The following SORCS2 variants were observed in gnomAD, a reference collection of about 807,000 sequenced individuals.
The protein encoded by SORCS2 is VPS10 domain-containing receptor SorCS2.
SORCS2 carries 100 observed loss-of-function variants against 141.6 expected under a neutral mutation model. The ratio of observed to expected loss-of-function variants is 0.71; its 90% confidence interval spans 0.60 to 0.83. SORCS2 has a LOEUF of 0.83. SORCS2 is among the 40% of genes least tolerant of loss of function. The probability of loss-of-function intolerance (pLI) is 0.00; values close to 1 mark genes in which losing one functional copy is unlikely to be tolerated. For synonymous variants in SORCS2, 789 were observed against 676.9 expected, an observed-to-expected ratio of 1.17 and a Z score of -2.57; for missense variants, 1,646 against 1,560.2, an observed-to-expected ratio of 1.05 and a Z score of -0.93.
intron 1 of SORCS2, among the ~76,000 whole-genome samples, chr4:7,194,314 G>A (rs1467097878): frequency 6.6e-6 from 1 of 152,180 alleles, no homozygotes; most frequent in East Asian, 1.9e-4. Flanking sequence ...CCAGGAAAGG[G>A]CATAATCTGG....
intron 3 of SORCS2, among the ~76,000 whole-genome samples, chr4:7,576,512 CT>C (rs1715761939): frequency 6.6e-6 from 1 of 152,212 alleles, no homozygotes. Context: ...GGATTCACCC[CT>C]GTGTGCATCT....
intron 3 of SORCS2, among the ~76,000 whole-genome samples, chr4:7,593,064 G>C (rs1411556744): frequency 2.0e-5 from 3 of 152,132 alleles, no homozygotes; most frequent in Non-Finnish European, 2.9e-5. Flanking sequence ...GAAGGCTTTT[G>C]CTTGGGGTCT....
At position 7,327,929 on chromosome 4, in the gene SORCS2, G is replaced by A. The variant is rs764007759; in HGVS notation, c.481-68359G>A. Among the ~76,000 whole-genome samples the A allele has an allele frequency of 4.0e-5, 6 of 151,846 alleles. No individual in the cohort carries two copies. In the East Asian group the frequency reaches 5.8e-4, roughly 15 times the overall value. On this transcript the variant is annotated intron_variant, in intron 1 of 26. Transcript: ENST00000507866. Reference sequence around the variant, plus strand: ...CCAGACCAAGGGCTCCTGAGGTTGCGGACTCTACTATGACACGTCTCAGGA... The same window carrying A: ...CCAGACCAAGGGCTCCTGAGGTTGCAGACTCTACTATGACACGTCTCAGGA...
rs764912606 is a variant in SORCS2 at position 7,689,524 on chromosome 4, C to A, written c.1527C>A (p.Asp509Glu). Residue 509 changes from aspartate (D) to glutamate (E), a missense_variant, in exon 11 of 27, where the codon GAC (aspartate) becomes GAA (glutamate). Transcript: ENST00000507866. ...TGCACCTGCACCTGCGCTGGGCAGA[C>A]AACCCCTACGTATCAGGCACCGTGC... Reference protein sequence around the residue: ...CHLHLHLRWADNPYVSGTVHT... With the variant: ...CHLHLHLRWAENPYVSGTVHT... 1 of 1,606,854 alleles carries A rather than the reference C, an allele frequency of 6.2e-7. No individual in the cohort carries two copies. Among genetic ancestry groups the A allele is most frequent in the Admixed American group, 1.7e-5 (1 of 59,364 alleles).
intron 1 of SORCS2, among the ~76,000 whole-genome samples, chr4:7,202,568 T>C (rs1727536699): frequency 6.6e-6 from 1 of 152,238 alleles, no homozygotes. Flanking sequence ...TTTCCTGCAA[T>C]GTTGAGCTCG....
intron 2 of SORCS2, among the ~76,000 whole-genome samples, chr4:7,457,610 C>G (rs1040142899): frequency 5.9e-5 from 9 of 151,838 alleles, no homozygotes; most frequent in Non-Finnish European, 1.5e-5. Flanking sequence ...GGAGTGTGCC[C>G]TAGTGAGCAT....
At chr4:7,535,032 C>T (rs1024799987) in intron 3 of SORCS2, among the ~76,000 whole-genome samples, 1 of 152,218 alleles carries the variant, frequency 6.6e-6, no homozygotes, top group Non-Finnish European at 1.5e-5. Flanking sequence ...GTGGGCCCTC[C>T]TCCTCCTGCT....
chr4:7,268,754 A>AG (rs1482979664), intron 1 of SORCS2, among the ~76,000 whole-genome samples: 1 of 152,180 alleles, frequency 6.6e-6, no homozygotes, highest in African/African-American at 2.4e-5. Flanking sequence ...GGCTTCCAGG[A>AG]GGAGGTGATG....
intron 1 of SORCS2, among the ~76,000 whole-genome samples, chr4:7,212,211 G>A (rs766921012): frequency 2.0e-5 from 3 of 152,184 alleles, no homozygotes; most frequent in Admixed American, 6.5e-5. Context: ...AGACCCTGCC[G>A]GAATTGTAGC....
chr4:7,516,589 G>C lies in SORCS2; in HGVS notation c.549-14941G>C, dbSNP rs73082834. On this transcript the variant is annotated intron_variant, in intron 2 of 26. Transcript: ENST00000507866. ...GACCTGGAGGGGTGGGGGCGGTGCTGCTTTTCCTTGGTGGAATGCCCTGGC... is the reference window on the plus strand; with the variant it reads ...GACCTGGAGGGGTGGGGGCGGTGCTCCTTTTCCTTGGTGGAATGCCCTGGC... 1.3e-3 allele frequency among the ~76,000 whole-genome samples: 200 copies of C among 152,286 alleles called. 1 individual carries two copies. Among genetic ancestry groups the C allele is most frequent in the African/African-American group, 4.6e-3 (191 of 41,546 alleles).
intron 1 of SORCS2, among the ~76,000 whole-genome samples, chr4:7,305,481 G>A (rs775720746): frequency 1.7e-4 from 26 of 151,960 alleles, no homozygotes; most frequent in Admixed American, 6.6e-4. Flanking sequence ...CTCCCACATG[G>A]CGCTCAGCTC....
chr4:7,530,611 A>G (rs1031211452), intron 2 of SORCS2, among the ~76,000 whole-genome samples: 1 of 152,234 alleles, frequency 6.6e-6, no homozygotes, highest in Non-Finnish European at 1.5e-5. Context: ...GTCGGGGCAT[A>G]TCCTGCAATC....
intron 1 of SORCS2, among the ~76,000 whole-genome samples, chr4:7,392,075 A>T (rs982685732): frequency 6.6e-6 from 1 of 152,242 alleles, no homozygotes; most frequent in Non-Finnish European, 1.5e-5. Flanking sequence ...GCAACAGCAG[A>T]GCATGAAACC....
intron 2 of SORCS2, among the ~76,000 whole-genome samples, chr4:7,491,953 G>T (rs1731342550): frequency 6.6e-6 from 1 of 152,300 alleles, no homozygotes; most frequent in African/African-American, 2.4e-5. Flanking sequence ...ATGAATGTTG[G>T]CCACCACCCT....
intron 4 of SORCS2, among the ~76,000 whole-genome samples, chr4:7,641,154 C>T (rs1720702924): frequency 6.6e-6 from 1 of 152,198 alleles, no homozygotes; most frequent in Admixed American, 6.5e-5. Flanking sequence ...TTTCTCAACA[C>T]TGATCACAAT....
At chr4:7,374,167 C>G (rs1290703083) in intron 1 of SORCS2, among the ~76,000 whole-genome samples, 1 of 138,666 alleles carries the variant, frequency 7.2e-6, no homozygotes, top group Non-Finnish European at 1.6e-5. Flanking sequence ...TTCTTTCTTT[C>G]TTTCTTTCTT....
At chr4:7,618,106 G>T (rs1457586465) in intron 3 of SORCS2, among the ~76,000 whole-genome samples, 1 of 152,080 alleles carries the variant, frequency 6.6e-6, no homozygotes, top group South Asian at 2.1e-4. Flanking sequence ...GGGTGGACAG[G>T]CATCCCTGAT....
chr4:7,361,998 G>C (rs1470502386), intron 1 of SORCS2, among the ~76,000 whole-genome samples: 1 of 152,148 alleles, frequency 6.6e-6, no homozygotes, highest in African/African-American at 2.4e-5. Flanking sequence ...TCATGTTTGA[G>C]AGGTGGAGTA....
chr4:7,641,777 AATGG>A (rs56032853), intron 4 of SORCS2, among the ~76,000 whole-genome samples: 8,139 of 78,950 alleles, frequency 0.1, 779 homozygotes, highest in African/African-American at 0.23. Flanking sequence ...TGGATGGATA[AATGG>A]ATGGATGGAT....
Sources: allele counts gnomAD v4.1 joint callset (sites outside exome capture counted in the v4.1 genomes callset), GRCh38; gene constraint gnomAD v4.1.1; transcripts MANE v1.5; gene names NCBI Gene and HGNC (gene_info 2026-07-23, HGNC 2026-07-21).